Variants in MACF1 observed in about 807,000 individuals in gnomAD.
The protein encoded by MACF1 is microtubule-actin cross-linking factor 1.
A neutral mutation model predicts 854.8 loss-of-function variants in MACF1; 193 were observed. The ratio of observed to expected loss-of-function variants is 0.23; its 90% CI spans 0.20 to 0.25. The LOEUF is 0.25. Among genes scored for constraint, MACF1 ranks in the 10% least tolerant of loss-of-function variants. The pLI is 1.00. For missense variants in MACF1, 7,722 were observed against 8,929.1 expected (o/e 0.86, Z 5.45); for synonymous variants, 3,185 against 3,226.7 (o/e 0.99, Z 0.44).
intron 36 of MACF1, among the ~76,000 whole-genome samples, chr1:39,329,282 T>C (rs1023619288): frequency 1.3e-5 from 2 of 152,232 alleles, no homozygotes; most frequent in Non-Finnish European, 2.9e-5. Flanking sequence ...GAACCAAATA[T>C]ACTGTTCTTT....
At chr1:39,424,880 A>G (rs1357627697) in intron 61 of MACF1, among the ~76,000 whole-genome samples, 2 of 152,204 alleles carry the variant, frequency 1.3e-5, no homozygotes, top group Non-Finnish European at 2.9e-5. Flanking sequence ...TTGTTATTGT[A>G]TCCTTTACAT....
At chr1:39,380,141 T>C in intron 54 of MACF1, 103 bp from the exon 55 acceptor site, 1 of 1,134,264 alleles carries the variant, frequency 8.8e-7, no homozygotes, top group Non-Finnish European at 1.3e-6. Flanking sequence ...AGGATCCTAG[T>C]AGAGTCTATA....
In MACF1 at chr1:39,444,781, A is replaced by C; in HGVS notation, c.19551A>C (p.Val6517=). ...SGSGSKTEQS[V]ALLEQKWHVV... Reference sequence around the variant, plus strand: ...CTGGCTCCAAGACAGAACAGAGTGTAGCACTTTTGGAGCAGAAGTGGCATG... The same window carrying C: ...CTGGCTCCAAGACAGAACAGAGTGTCGCACTTTTGGAGCAGAAGTGGCATG... The change falls in exon 80 of 101, where the codon GTA becomes GTC. Residue 6517 remains valine (V), a synonymous_variant. Transcript: ENST00000564288. 1.9e-6 allele frequency: 3 copies of C among 1,613,946 alleles called. No individual in the cohort carries two copies. Among genetic ancestry groups the C allele is most frequent in the Non-Finnish European group, 2.5e-6 (3 of 1,179,804 alleles).
At chr1:39,412,351 A>G in intron 58 of MACF1, 1 of 1,614,084 alleles carries the variant, frequency 6.2e-7, no homozygotes, top group Non-Finnish European at 8.5e-7. Flanking sequence ...TCAAGAAAAT[A>G]ACAGTCTGAC....
At position 39,452,192 on chromosome 1, in the gene MACF1, G is replaced by A. The variant is rs146089082; in HGVS notation, c.20455G>A (p.Val6819Ile). The part of the protein sequence containing the change: ...QKELGKRTGT[V>I]QVLKRSGREL... ...GGAACTGGGAAAGCGAACAGGAACC[G>A]TTCAGGTCCTGAAGCGGTCAGGCCG... The change falls in exon 86 of 101, where the codon GTT (valine) becomes ATT (isoleucine). Residue 6819 changes from valine (V) to isoleucine (I), a missense_variant. Val to Ile is a conservative substitution (Grantham distance 29). Transcript: ENST00000564288. The A allele has an allele frequency of 7.2e-4, 1,162 of 1,612,494 alleles. 1 individual carries two copies. Among genetic ancestry groups the A allele is most frequent in the Non-Finnish European group, 8.4e-4 (992 of 1,179,308 alleles).
At chr1:39,361,213 A>C in intron 48 of MACF1, 147 bp from the exon 49 acceptor site, 1 of 853,118 alleles carries the variant, frequency 1.2e-6, no homozygotes, top group Non-Finnish European at 1.8e-6. Context: ...AGGGGTGGAG[A>C]ACTAAGGTGA....
At chr1:39,245,436 A>G (rs1644972088) in intron 2 of MACF1, among the ~76,000 whole-genome samples, 1 of 152,078 alleles carries the variant, frequency 6.6e-6, no homozygotes, top group African/African-American at 2.4e-5. Flanking sequence ...ATGTGCCGCC[A>G]TGCACAACTT....
chr1:39,335,899 G>A lies in MACF1; in HGVS notation c.9311G>A (p.Cys3104Tyr), dbSNP rs1220724918. 4 of 1,613,920 alleles carry A rather than the reference G, an allele frequency of 2.5e-6. No individual in the cohort carries two copies. Among genetic ancestry groups the A allele is most frequent in the East Asian group, 2.2e-5 (1 of 44,894 alleles). ...ACGAQSEPFP[C>Y]MTPRPEGLHY... is the part of the protein sequence containing the mutation. ...GGGGCCCAGAGTGAACCATTCCCTT[G>A]TATGACCCCAAGACCTGAAGGATTG... Residue 3104 changes from cysteine to tyrosine, a missense_variant, in exon 37 of 101, where the codon TGT (cysteine) becomes TAT (tyrosine). By Grantham distance (194) the Cys-to-Tyr change is radical (BLOSUM62 -2). This residue lies in a region of MACF1 where 854 missense variants were observed against 852.6 expected (regional missense o/e 1.00). Transcript: ENST00000564288.
chr1:39,465,070 A>G, intron 94 of MACF1, 25 bp from the exon 95 acceptor site: 1 of 1,608,028 alleles, frequency 6.2e-7, no homozygotes, highest in Non-Finnish European at 8.5e-7. Flanking sequence ...CCTTTCCTCC[A>G]TCCTTTACTC....
Position 39,100,075 on chromosome 1 carries a change from G to A in MACF1, c.220+15637G>A, listed in dbSNP as rs1240724257. Among the ~76,000 whole-genome samples, 2 of 152,118 alleles carry A rather than the reference G, an allele frequency of 1.3e-5. 1 individual carries two copies. The highest frequency in any genetic ancestry group is 2.9e-5 in the Non-Finnish European group (2 of 68,028). ...TACAAATAGCACAAAAATTATCTGG[G>A]CGTGGTGGCACCTGCCTGTAGTCCT... On this transcript the variant is annotated intron_variant, in intron 2 of 93. Coordinates refer to the MACF1 transcript ENST00000361689.
intron 49 of MACF1, among the ~76,000 whole-genome samples, chr1:39,363,274 A>C (rs1268537358): frequency 1.3e-5 from 2 of 152,200 alleles, no homozygotes; most frequent in Non-Finnish European, 2.9e-5. Flanking sequence ...CTCTTCAAAA[A>C]GTTATACTCA....
intron 58 of MACF1, among the ~76,000 whole-genome samples, chr1:39,417,748 TTGG>T (rs1643380385): frequency 8.4e-6 from 1 of 118,640 alleles, no homozygotes; most frequent in African/African-American, 4.0e-5. Flanking sequence ...TTTTTTTTTT[TTGG>T]ATTTTTAGTA....
chr1:39,301,883 A>G (rs1646051691), intron 22 of MACF1, among the ~76,000 whole-genome samples: 1 of 152,128 alleles, frequency 6.6e-6, no homozygotes, highest in South Asian at 2.1e-4. Context: ...CATATCCTTT[A>G]TTGCCTGGTA....
intron 2 of MACF1, among the ~76,000 whole-genome samples, chr1:39,133,677 T>C (rs1264337190): frequency 6.6e-6 from 1 of 152,204 alleles, no homozygotes; most frequent in Non-Finnish European, 1.5e-5. Context: ...AATGATTAAA[T>C]CAAGCTAGTT....
At chr1:39,343,377 C>T (rs1646978428) in intron 40 of MACF1, among the ~76,000 whole-genome samples, 1 of 152,336 alleles carries the variant, frequency 6.6e-6, no homozygotes, top group Middle Eastern at 3.4e-3. Context: ...CCCTCTTTAT[C>T]ACGCAAGAGT....
chr1:39,102,889 C>T (rs1248274561), intron 2 of MACF1: 3 of 702,506 alleles, frequency 4.3e-6, no homozygotes, highest in Non-Finnish European at 7.8e-6. Flanking sequence ...ACCTCCCCTT[C>T]ATAGACTTCC....
At chr1:39,172,917 T>C (rs1643971372) in intron 2 of MACF1, among the ~76,000 whole-genome samples, 1 of 152,204 alleles carries the variant, frequency 6.6e-6, no homozygotes, top group Non-Finnish European at 1.5e-5. Flanking sequence ...CAGACAGCCC[T>C]CCTCCCTTTT....
chr1:39,446,407 A>G (rs947010220), intron 80 of MACF1, among the ~76,000 whole-genome samples: 4 of 151,642 alleles, frequency 2.6e-5, no homozygotes, highest in Middle Eastern at 3.2e-3. Context: ...ATTTCTAAAC[A>G]TTTCTATATA....
intron 97 of MACF1, among the ~76,000 whole-genome samples, chr1:39,470,465 AC>A (rs1293050604): frequency 1.3e-5 from 2 of 152,030 alleles, no homozygotes; most frequent in African/African-American, 4.8e-5. Flanking sequence ...ACATAGTGAA[AC>A]CCCATCTCCA....
Sources: allele counts gnomAD v4.1 joint callset (sites outside exome capture counted in the v4.1 genomes callset), GRCh38; gene constraint gnomAD v4.1.1; regional missense constraint gnomAD v4.1.1; transcripts MANE v1.5; gene names NCBI Gene and HGNC (gene_info 2026-07-23, HGNC 2026-07-21).